The following CYP2E1 variants were observed in gnomAD, a reference collection of about 807,000 sequenced individuals.
The protein encoded by CYP2E1 is cytochrome P450 2E1.
CYP2E1 carries 31 observed loss-of-function variants against 42.9 expected under a neutral mutation model. That is an observed-to-expected ratio of 0.72 (90% CI 0.54 to 0.98). The LOEUF is 0.98. Among genes scored for constraint, CYP2E1 ranks in the 50% least tolerant of loss-of-function variants. The pLI, the probability that CYP2E1 is intolerant of heterozygous loss-of-function variation, is 0.00. For synonymous variants in CYP2E1, 244 were observed against 248.9 expected (o/e 0.98, Z 0.19); for missense variants, 565 against 633.2 (o/e 0.89, Z 1.16).
In CYP2E1 at chr10:133,531,713, G is replaced by GAAGC; in HGVS notation, c.468_471dup (p.Leu158SerfsTer34). The GAAGC allele has an allele frequency of 6.2e-7, 1 of 1,604,276 alleles. No homozygotes were observed. Among genetic ancestry groups the GAAGC allele is most frequent in the Non-Finnish European group, 8.5e-7 (1 of 1,175,318 alleles). On this transcript the variant is annotated frameshift_variant, in exon 3 of 9. Transcript: ENST00000252945. LOFTEE classifies it high-confidence loss of function. ...CCAGAGGGAGGCCCACTTCCTGCTG[G>GAAGC]AAGCACTCAGGAAGACCCAAGGTGC...
rs1488160508 is a variant in CYP2E1, at chr10:133,528,744, ATAT to A, written c.337+108_337+110del. ...ATGGCCAAATAATAAACTAACAGTA[ATAT>A]TATAGTAACAGCATCCGAAGGATGA... On this transcript the variant is annotated intron_variant, in intron 2 of 8. Coordinates refer to ENST00000252945, the MANE Select transcript of CYP2E1 (RefSeq NM_000773.4). 1.2e-5 allele frequency: 17 copies of A among 1,363,548 alleles called. No homozygotes were observed. In the African/African-American group the frequency reaches 2.0e-4, roughly 16 times the overall value. The allele number at this position is 1,363,548 out of a possible 1,614,324, so 84.5% of individuals were successfully genotyped here. A position where few individuals can be genotyped will look rare whatever the true frequency, so the allele number is the denominator to read the frequency against.
chr10:133,536,061 A>G (rs926761690), intron 6 of CYP2E1, among the ~76,000 whole-genome samples: 7 of 152,196 alleles, frequency 4.6e-5, no homozygotes, highest in African/African-American at 1.7e-4. Context: ...TAGACCCTGC[A>G]TGTCTGATTC....
chr10:133,533,693 C>G (rs557018600), intron 5 of CYP2E1, 63 bp from the exon 6 acceptor site: 348 of 1,582,038 alleles, frequency 2.2e-4, no homozygotes, highest in Non-Finnish European at 2.9e-4. Context: ...TGGGAGGTGG[C>G]TGGTTCTGTG....
chr10:133,528,219 TCCGCGGAGTTG>T (rs1396122929), intron 1 of CYP2E1: 12 of 379,576 alleles, frequency 3.2e-5, no homozygotes, highest in Admixed American at 7.9e-5. Flanking sequence ...GGAGCCGGAG[TCCGCGGAGTTG>T]CCGCGGAGTT....
intron 1 of CYP2E1, chr10:133,528,116 C>T: frequency 4.1e-6 from 1 of 246,186 alleles, no homozygotes; most frequent in Non-Finnish European, 7.9e-6. Flanking sequence ...CCTGCTCCAG[C>T]TCGGGCTCCC....
At chr10:133,529,652 A>G (rs1851313804) in intron 2 of CYP2E1, among the ~76,000 whole-genome samples, 1 of 152,242 alleles carries the variant, frequency 6.6e-6, no homozygotes, top group African/African-American at 2.4e-5. Flanking sequence ...ATGAGCTGAT[A>G]AAGAACGCCG....
chr10:133,531,560 CCTT>C lies in CYP2E1; in HGVS notation c.338-22_338-20del, dbSNP rs771447476. 2.5e-6 allele frequency: 4 copies of C among 1,613,828 alleles called. No individual in the cohort carries two copies. In the South Asian group the frequency reaches 4.4e-5, roughly 18 times the overall value. On this transcript the variant is annotated intron_variant, in intron 2 of 8. Transcript: ENST00000252945. Reference sequence around the variant, plus strand: ...TCCCCAAAATGGGTATTTAGAATAACCTTCTGCTGGCCCCTCTGCCTTAGGAAT... The same window carrying C: ...TCCCCAAAATGGGTATTTAGAATAACCTGCTGGCCCCTCTGCCTTAGGAAT...
chr10:133,537,642 CT>C, intron 7 of CYP2E1, 108 bp from the exon 8 acceptor site: 2 of 942,852 alleles, frequency 2.1e-6, no homozygotes, highest in Non-Finnish European at 3.2e-6. Flanking sequence ...TGGAAATATA[CT>C]ATCCTATATA....
chr10:133,536,609 GTGGGTGGGTGGGT>G (rs1851403454), intron 6 of CYP2E1, among the ~76,000 whole-genome samples: 1 of 20,486 alleles, frequency 4.9e-5, no homozygotes, highest in Non-Finnish European at 1.1e-4. Context: ...GGATGGGTGG[GTGGGTGGGTGGGT>G]GGATGGATGG....
intron 2 of CYP2E1, among the ~76,000 whole-genome samples, chr10:133,531,170 G>A (rs1851330635): frequency 1.1e-4 from 16 of 152,196 alleles, no homozygotes; most frequent in Admixed American, 1.0e-3. Flanking sequence ...AAAAATCTGT[G>A]AGAACAGAAT....
chr10:133,527,563 CT>C lies in CYP2E1; in HGVS notation c.170del (p.Phe57SerfsTer23), dbSNP rs1564846656. The C allele has an allele frequency of 6.2e-7, 1 of 1,610,170 alleles. No individual in the cohort carries two copies. Among genetic ancestry groups the C allele is most frequent in the Non-Finnish European group, 8.5e-7 (1 of 1,177,458 alleles). On this transcript the variant is annotated frameshift_variant, in exon 1 of 9. Transcript: ENST00000252945. LOFTEE classifies it high-confidence loss of function. Reference sequence around the variant, plus strand: ...TGGAATTGAAGAATATTCCCAAGTCCTTCACCCGGGTAAGAGAAATAGTGTT... The same window carrying C: ...TGGAATTGAAGAATATTCCCAAGTCCTCACCCGGGTAAGAGAAATAGTGTT... ...QLELKNIPKS[F>X]TRLAQRFGPV...
At chr10:133,538,044 G>C in intron 8 of CYP2E1, 152 bp downstream of exon 8, 1 of 670,266 alleles carries the variant, frequency 1.5e-6, no homozygotes, top group South Asian at 2.3e-5. Flanking sequence ...ACCCAAATGT[G>C]CTCTTCCCTG....
chr10:133,535,118 G>A (rs1851382011), intron 6 of CYP2E1, among the ~76,000 whole-genome samples: 1 of 151,956 alleles, frequency 6.6e-6, no homozygotes, highest in African/African-American at 2.4e-5. Flanking sequence ...AGGCGATCAC[G>A]AGGTCAGGAG....
chr10:133,535,460 C>T (rs557368733), intron 6 of CYP2E1, among the ~76,000 whole-genome samples: 1 of 152,292 alleles, frequency 6.6e-6, no homozygotes, highest in South Asian at 2.1e-4. Context: ...CACCGTGCCC[C>T]ATCCCTGGCC....
intron 6 of CYP2E1, among the ~76,000 whole-genome samples, chr10:133,534,428 G>A (rs1768771022): frequency 6.6e-6 from 1 of 152,132 alleles, no homozygotes; most frequent in African/African-American, 2.4e-5. Flanking sequence ...CTCTGTGCCT[G>A]GAGGAGGTGT....
intron 6 of CYP2E1, among the ~76,000 whole-genome samples, chr10:133,535,812 C>G (rs1012556833): frequency 4.6e-5 from 7 of 152,228 alleles, no homozygotes; most frequent in Non-Finnish European, 7.3e-5. Flanking sequence ...GAAATGGCTT[C>G]AGAATTGCTG....
rs1026386167 is a variant in CYP2E1 at position 133,529,551 on chromosome 10, C to T, written c.337+911C>T. Reference sequence around the variant, plus strand: ...GCAATGCTGTGTGGAATTTTTAAATCGGTGAGCTCGTGCTCTTGCCCTATT... The same window carrying T: ...GCAATGCTGTGTGGAATTTTTAAATTGGTGAGCTCGTGCTCTTGCCCTATT... On this transcript the variant is annotated intron_variant, in intron 2 of 8. Transcript: ENST00000252945. Among the ~76,000 whole-genome samples the T allele has an allele frequency of 9.9e-5, 15 of 152,272 alleles. 1 individual carries two copies. The highest frequency in any genetic ancestry group is 6.5e-5 in the Admixed American group (1 of 15,292).
chr10:133,535,745 A>T (rs1851387585), intron 6 of CYP2E1, among the ~76,000 whole-genome samples: 1 of 152,214 alleles, frequency 6.6e-6, no homozygotes, highest in African/African-American at 2.4e-5. Flanking sequence ...TAAAAAGAAA[A>T]TGTGTTACAG....
chr10:133,529,661 C>T (rs991810502), intron 2 of CYP2E1, among the ~76,000 whole-genome samples: 2 of 152,240 alleles, frequency 1.3e-5, no homozygotes, highest in Non-Finnish European at 2.9e-5. Context: ...TAAAGAACGC[C>T]GTCAGCACAG....
Sources: allele counts gnomAD v4.1 joint callset (sites outside exome capture counted in the v4.1 genomes callset), GRCh38; gene constraint gnomAD v4.1.1; transcripts MANE v1.5; gene names NCBI Gene and HGNC (gene_info 2026-07-23, HGNC 2026-07-21).